Variants in SEPTIN8 observed in about 807,000 individuals in gnomAD.
The protein encoded by SEPTIN8 is septin 8.
SEPTIN8 carries 22 observed loss-of-function variants against 53.1 expected under a neutral mutation model. The ratio of observed to expected loss-of-function variants is 0.41; its 90% confidence interval spans 0.30 to 0.59. The LOEUF (loss-of-function observed/expected upper bound fraction) is 0.59. Among genes scored for constraint, SEPTIN8 ranks in the 20% least tolerant of loss-of-function variants. SEPTIN8 has a pLI of 0.24. For missense variants in SEPTIN8, 536 were observed against 638.7 expected (o/e 0.84, Z 1.73); for synonymous variants, 228 against 248.4 (o/e 0.92, Z 0.77).
At chr5:132,774,379 C>T (rs1757599558) in intron 1 of SEPTIN8, among the ~76,000 whole-genome samples, 1 of 152,210 alleles carries the variant, frequency 6.6e-6, no homozygotes, top group African/African-American at 2.4e-5. Context: ...GGAGAAAACA[C>T]CGGAGCTGGC....
At chr5:132,762,989 G>T (rs1023923027) in intron 4 of SEPTIN8, among the ~76,000 whole-genome samples, 6 of 152,152 alleles carry the variant, frequency 3.9e-5, no homozygotes, top group Non-Finnish European at 7.3e-5. Flanking sequence ...GTGGTGGGGG[G>T]GCTATGCTCC....
At chr5:132,757,393 A>C in intron 9 of SEPTIN8, 1 of 985,500 alleles carries the variant, frequency 1.0e-6, no homozygotes, top group South Asian at 4.7e-5. Flanking sequence ...GCAGAACATC[A>C]TCTCAGGAAG....
intron 5 of SEPTIN8, 78 bp downstream of exon 5, chr5:132,762,406 C>T: frequency 7.1e-7 from 1 of 1,415,164 alleles, no homozygotes; most frequent in South Asian, 1.2e-5. Context: ...GAACAAGAGT[C>T]TCCTGGGGCT....
At position 132,769,557 on chromosome 5, in the gene SEPTIN8, T is replaced by C. The variant is rs190969263; in HGVS notation, c.31-4028A>G. Among the ~76,000 whole-genome samples, 33 of 152,314 alleles carry C rather than the reference T, an allele frequency of 2.2e-4. 1 individual carries two copies. The East Asian group carries it at 6.0e-3, about 28-fold the overall frequency. ...ACAGACATAACTAACATGTATTGCA[T>C]GCTTGCTTTGCGCAACCCTAATTTA... On this transcript the variant is annotated intron_variant, in intron 1 of 9. Coordinates refer to ENST00000378719, the MANE Select transcript of SEPTIN8 (RefSeq NM_001098811.2).
In SEPTIN8 at chr5:132,751,815, C is replaced by T. The variant is rs559784246; in HGVS notation, c.*201G>A. On this transcript the variant is annotated 3_prime_UTR_variant, in exon 10 of 10. Transcript: ENST00000378719. ...TGGCCACAGGATGGGCATTAAGCCTCAAGCCCCTTACGGAGCCATGGATAG... is the reference window on the plus strand; with the variant it reads ...TGGCCACAGGATGGGCATTAAGCCTTAAGCCCCTTACGGAGCCATGGATAG... The T allele has an allele frequency of 1.7e-4, 157 of 933,152 alleles. No individual in the cohort carries two copies. In the African/African-American group the frequency reaches 2.4e-3, roughly 14 times the overall value. 57.8% of individuals were successfully genotyped at this position (933,152 alleles called of 1,614,324 possible).
intron 9 of SEPTIN8, chr5:132,753,030 A>G: frequency 1.5e-6 from 2 of 1,328,042 alleles, no homozygotes; most frequent in Non-Finnish European, 2.2e-6. Context: ...TGCTTGGACT[A>G]CCATGAGTTC....
At chr5:132,772,033 C>G (rs1757374435) in intron 1 of SEPTIN8, among the ~76,000 whole-genome samples, 1 of 152,194 alleles carries the variant, frequency 6.6e-6, no homozygotes, top group Non-Finnish European at 1.5e-5. Context: ...GCAAGGATCA[C>G]CCGCCATGGT....
chr5:132,757,033 C>G, intron 9 of SEPTIN8: 1 of 985,368 alleles, frequency 1.0e-6, no homozygotes, highest in Non-Finnish European at 1.2e-6. Context: ...CCACATTTGC[C>G]CTGGATATGC....
chr5:132,776,746 A>T lies in SEPTIN8; in HGVS notation c.30+362T>A, dbSNP rs1393635788. Among the ~76,000 whole-genome samples, 1 of 152,140 alleles carries T rather than the reference A, an allele frequency of 6.6e-6. No individual in the cohort carries two copies. Among genetic ancestry groups the T allele is most frequent in the African/African-American group, 2.4e-5 (1 of 41,434 alleles). On this transcript the variant is annotated intron_variant, in intron 1 of 9. Transcript: ENST00000378719. The surrounding 1 kb of genome is among the most constrained non-coding windows in gnomAD (Gnocchi z 4.4). ...ACTCTTCCCCAAGTGTGCAGAAAGA[A>T]ACACCCTGGGCGATAGGGTCCGGAG...
Position 132,761,298 on chromosome 5 carries a change from G to A in SEPTIN8, c.963-33C>T. 1 of 1,610,984 alleles carries A rather than the reference G, an allele frequency of 6.2e-7. No individual in the cohort carries two copies. The highest frequency in any genetic ancestry group is 8.5e-7 in the Non-Finnish European group (1 of 1,179,926). ...GACCCAGAGAAAAGAGGCCAAGGAT[G>A]GGATTATGACGGAATGGGATAGGGC... On this transcript the variant is annotated intron_variant, in intron 7 of 9. Transcript: ENST00000378719. The surrounding 1 kb of genome is among the most constrained non-coding windows in gnomAD (Gnocchi z 5.8).
In SEPTIN8 at chr5:132,761,421, G is replaced by A. The variant is rs765273005; in HGVS notation, c.962+37C>T. On this transcript the variant is annotated intron_variant, in intron 7 of 9. Transcript: ENST00000378719. The surrounding 1 kb of genome is among the most constrained non-coding windows in gnomAD (Gnocchi z 5.8). ...TGCCAGGGTGGTGTGTCTGGCCACA[G>A]CTGTGAAGACAGGCTCACTCTGGCT... 1.1e-5 allele frequency: 17 copies of A among 1,595,578 alleles called. 1 individual carries two copies. In the Admixed American group the frequency reaches 2.2e-4, roughly 21 times the overall value.
rs1187300863 is a variant in SEPTIN8 at position 132,776,935 on chromosome 5, G to A, written c.30+173C>T. Among the ~76,000 whole-genome samples the A allele has an allele frequency of 1.3e-5, 2 of 152,062 alleles. No individual in the cohort carries two copies. Among genetic ancestry groups the A allele is most frequent in the African/African-American group, 2.4e-5 (1 of 41,436 alleles). On this transcript the variant is annotated intron_variant, in intron 1 of 9. Coordinates refer to ENST00000378719, the MANE Select transcript of SEPTIN8 (RefSeq NM_001098811.2). This position sits in a 1 kb window ranked among gnomAD's most constrained non-coding sequence, Gnocchi z 4.4. The stretch of plus-strand genomic sequence containing the variant: ...GGCAAGGCAGGCCGCCCGACGCTCC[G>A]GGACCCCCCGATAGCGCGGCCGAGA...
chr5:132,764,287 A>G lies in SEPTIN8; in HGVS notation c.284T>C (p.Val95Ala), dbSNP rs1354596756. The G allele has an allele frequency of 1.2e-6, 2 of 1,614,152 alleles. No homozygotes were observed. Among genetic ancestry groups the G allele is most frequent in the Admixed American group, 1.7e-5 (1 of 60,006 alleles). ...PQTYDLQESN[V>A]QLKLTIVDAV... ...ATCCACAATGGTCAGCTTGAGCTGC[A>G]CGTTGCTCTCCTGGAGGTCATAGGT... is the stretch of plus-strand genomic sequence containing the variant. The change falls in exon 3 of 10, where the codon GTG becomes GCG. Residue 95 changes from valine (V) to alanine (A), a missense_variant. Transcript: ENST00000378719.
Position 132,761,779 on chromosome 5 carries a change from G to A in SEPTIN8, c.793+21C>T. The A allele has an allele frequency of 6.3e-7, 1 of 1,598,774 alleles. No individual in the cohort carries two copies. On this transcript the variant is annotated intron_variant, in intron 6 of 9. Transcript: ENST00000378719. The surrounding 1 kb of genome is among the most constrained non-coding windows in gnomAD (Gnocchi z 5.8). ...GGGAACTCAGTTCTACCCCCAGGATGCATTTCCTGTCCACACTCACCCTGC... is the reference window on the plus strand; with the variant it reads ...GGGAACTCAGTTCTACCCCCAGGATACATTTCCTGTCCACACTCACCCTGC...
chr5:132,754,330 C>G (rs891441157), intron 9 of SEPTIN8: 3 of 701,404 alleles, frequency 4.3e-6, no homozygotes, highest in African/African-American at 1.8e-5. Flanking sequence ...CCAGTGGTGG[C>G]CGTTGAGTGC....
intron 9 of SEPTIN8, 124 bp from the exon 10 acceptor site, chr5:132,752,305 T>G: frequency 7.8e-7 from 1 of 1,283,992 alleles, no homozygotes; most frequent in Non-Finnish European, 1.1e-6. Flanking sequence ...GAAAATGTTC[T>G]GGCCATAACC....
intron 4 of SEPTIN8, 44 bp downstream of exon 4, chr5:132,763,662 C>T: frequency 6.3e-7 from 1 of 1,576,520 alleles, no homozygotes; most frequent in Non-Finnish European, 8.7e-7. Context: ...CGCATCGCAG[C>T]AGAAGACTAT....
At chr5:132,778,441 T>A (rs1314251297), upstream of SEPTIN8, among the ~76,000 whole-genome samples, 1 of 152,194 alleles carries the variant, frequency 6.6e-6, no homozygotes, top group Non-Finnish European at 1.5e-5. Context: ...GGCTTTCCCC[T>A]CCTCACTCTC....
In SEPTIN8 at chr5:132,763,767, G is replaced by C. The variant is rs372178233; in HGVS notation, c.473C>G (p.Thr158Arg). Residue 158 changes from threonine to arginine, a missense_variant, in exon 4 of 10, where the codon ACG becomes AGG. Physicochemically the swap from Thr to Arg is moderately conservative, Grantham distance 71. This residue lies in a region of SEPTIN8 where 395 missense variants were observed against 451.8 expected (regional missense o/e 0.87). Coordinates refer to ENST00000378719, the MANE Select transcript of SEPTIN8 (RefSeq NM_001098811.2). ...TRIHVCLYFI[T>R]PTGHSLKSLD... ...AGACTTCAGGGAGTGCCCTGTGGGC[G>C]TGATGAAGTAGAGGCAAACGTGGAT... The C allele has an allele frequency of 1.9e-6, 3 of 1,614,070 alleles. No individual in the cohort carries two copies. Among genetic ancestry groups the C allele is most frequent in the Admixed American group, 1.7e-5 (1 of 59,996 alleles).
Sources: gnomAD v4.1 joint callset for allele counts (sites outside exome capture counted in the v4.1 genomes callset) on GRCh38, gnomAD v4.1.1 for gene constraint, gnomAD v4.1.1 regional missense constraint, Gnocchi (gnomAD v3.1) non-coding constraint, MANE v1.5 for transcripts, NCBI Gene and HGNC (gene_info 2026-07-23, HGNC 2026-07-21) for gene names.